The following MTUS2 variants were observed in gnomAD, a reference collection of about 807,000 sequenced individuals.
MTUS2 encodes microtubule-associated tumor suppressor candidate 2.
Under a neutral mutation model 114.1 loss-of-function variants are expected in MTUS2, and 40 were observed. That is an observed-to-expected ratio of 0.35 (90% CI 0.27 to 0.46). MTUS2 has a LOEUF of 0.46. Among genes scored for constraint, MTUS2 ranks in the 20% least tolerant of loss-of-function variants. The probability of loss-of-function intolerance (pLI) is 1.00; values close to 1 mark genes in which losing one functional copy is unlikely to be tolerated. For missense variants in MTUS2, 1,679 were observed against 1,705.4 expected, an observed-to-expected ratio of 0.98 and a Z score of 0.27; for synonymous variants, 688 against 672.0, an observed-to-expected ratio of 1.02 and a Z score of -0.37.
At chr13:29,307,626 C>T in intron 6 of MTUS2, 4 of 1,169,390 alleles carry the variant, frequency 3.4e-6, no homozygotes, top group Non-Finnish European at 3.8e-6. Flanking sequence ...AGCTTGTCTC[C>T]TCTGACTTCA....
At chr13:28,992,370 C>T (rs1413829001) in intron 2 of MTUS2, among the ~76,000 whole-genome samples, 1 of 152,160 alleles carries the variant, frequency 6.6e-6, no homozygotes, top group African/African-American at 2.4e-5. Context: ...AGCCAAAAGA[C>T]AGCAGATAAG....
At chr13:29,351,518 G>A (rs190832919) in intron 7 of MTUS2, among the ~76,000 whole-genome samples, 255 of 152,156 alleles carry the variant, frequency 1.7e-3, no homozygotes, top group African/African-American at 5.8e-3. Flanking sequence ...CCCGGTTCCC[G>A]TGCTTACAAA....
intron 4 of MTUS2, among the ~76,000 whole-genome samples, chr13:29,066,088 T>G (rs1464468992): frequency 1.3e-5 from 2 of 152,196 alleles, no homozygotes; most frequent in African/African-American, 4.8e-5. Flanking sequence ...TTGCCACGTC[T>G]TCTAGAATGT....
At chr13:29,181,397 G>A (rs920162607) in intron 5 of MTUS2, among the ~76,000 whole-genome samples, 1 of 152,162 alleles carries the variant, frequency 6.6e-6, no homozygotes, top group Non-Finnish European at 1.5e-5. Flanking sequence ...AGGTTTCTGG[G>A]GACCCCAAGC....
intron 15 of MTUS2, among the ~76,000 whole-genome samples, chr13:29,502,096 A>G (rs1014031152): frequency 1.3e-5 from 2 of 152,220 alleles, no homozygotes; most frequent in African/African-American, 4.8e-5. Flanking sequence ...TAGTGCAGGC[A>G]TTTTGTTCTC....
intron 6 of MTUS2, among the ~76,000 whole-genome samples, chr13:29,300,597 A>C (rs1899157971): frequency 6.6e-6 from 1 of 151,500 alleles, no homozygotes; most frequent in Non-Finnish European, 1.5e-5. Flanking sequence ...CTGTTTTAAA[A>C]CTTTCCATTT....
chr13:29,498,344 G>T (rs962761166), intron 13 of MTUS2, 74 bp from the exon 14 acceptor site: 5 of 1,591,198 alleles, frequency 3.1e-6, no homozygotes, highest in Non-Finnish European at 3.4e-6. Flanking sequence ...GATTTAGCTG[G>T]ATTCGTGACA....
intron 2 of MTUS2, among the ~76,000 whole-genome samples, chr13:28,853,195 C>A (rs187984687): frequency 6.8e-4 from 104 of 152,174 alleles, no homozygotes; most frequent in Admixed American, 2.0e-3. Context: ...GTGTGGTAGG[C>A]GGGGAGTTTA....
At chr13:29,421,086 G>T (rs1029882632) in intron 8 of MTUS2, among the ~76,000 whole-genome samples, 3 of 152,018 alleles carry the variant, frequency 2.0e-5, no homozygotes, top group African/African-American at 7.3e-5. Flanking sequence ...CTAAATCCTG[G>T]TTATTATATC....
At position 29,364,545 on chromosome 13, in the gene MTUS2, G is replaced by A. The variant is rs144087302; in HGVS notation, c.3117+5072G>A. 5.4e-3 allele frequency among the ~76,000 whole-genome samples: 816 copies of A among 152,298 alleles called. 5 individuals are homozygous for A. The highest frequency in any genetic ancestry group is 0.019 in the African/African-American group (776 of 41,560). On this transcript the variant is annotated intron_variant, in intron 8 of 15. Coordinates refer to ENST00000612955, the MANE Select transcript of MTUS2 (RefSeq NM_001033602.4). The stretch of plus-strand genomic sequence containing the variant: ...TCCATAACACCTGGTTGATTCATGG[G>A]TCAGGACAGGGTGTCTGTTAAAGGG...
At chr13:28,947,595 C>T (rs1882599677) in intron 2 of MTUS2, among the ~76,000 whole-genome samples, 1 of 152,096 alleles carries the variant, frequency 6.6e-6, no homozygotes, top group Non-Finnish European at 1.5e-5. Context: ...TAAGCGAGCT[C>T]CTCTTTTAGA....
intron 8 of MTUS2, among the ~76,000 whole-genome samples, chr13:29,372,776 C>T (rs1242741455): frequency 6.6e-6 from 1 of 152,032 alleles, no homozygotes; most frequent in Non-Finnish European, 1.5e-5. Context: ...TCAGAATGAC[C>T]ATTACTTATA....
At chr13:28,883,470 A>G (rs1878413646) in intron 2 of MTUS2, among the ~76,000 whole-genome samples, 1 of 152,228 alleles carries the variant, frequency 6.6e-6, no homozygotes, top group Non-Finnish European at 1.5e-5. Context: ...AACAATGAGA[A>G]GGAATGAGCT....
chr13:29,117,541 T>C (rs368732383), intron 5 of MTUS2, among the ~76,000 whole-genome samples: 29 of 152,296 alleles, frequency 1.9e-4, no homozygotes, highest in African/African-American at 6.7e-4. Context: ...CTCCATCCCA[T>C]TCCTGTGCAT....
intron 8 of MTUS2, among the ~76,000 whole-genome samples, chr13:29,384,439 A>C (rs1271703193): frequency 6.6e-6 from 1 of 152,234 alleles, no homozygotes; most frequent in Non-Finnish European, 1.5e-5. Flanking sequence ...TGGTGCACGC[A>C]TTCATGATCT....
chr13:28,895,135 G>A (rs1430145620), intron 2 of MTUS2, among the ~76,000 whole-genome samples: 1 of 152,132 alleles, frequency 6.6e-6, no homozygotes, highest in Non-Finnish European at 1.5e-5. Context: ...AAAGGGGAAG[G>A]GGAAGCTCGT....
chr13:29,090,302 G>T (rs1889880727), intron 4 of MTUS2, among the ~76,000 whole-genome samples: 1 of 152,146 alleles, frequency 6.6e-6, no homozygotes, highest in African/African-American at 2.4e-5. Flanking sequence ...CTCCTGTGCT[G>T]GAAGAGCCGA....
chr13:29,067,656 G>A (rs1001266154), intron 4 of MTUS2, among the ~76,000 whole-genome samples: 4 of 152,206 alleles, frequency 2.6e-5, no homozygotes, highest in African/African-American at 9.7e-5. Context: ...GGTGCTGACT[G>A]GAGGGGGAAG....
At chr13:29,064,924 A>G (rs1343074997) in intron 4 of MTUS2, among the ~76,000 whole-genome samples, 2 of 152,212 alleles carry the variant, frequency 1.3e-5, no homozygotes, top group East Asian at 3.8e-4. Context: ...AGTGACCTCT[A>G]GCTCCATCCA....
Sources: allele counts gnomAD v4.1 joint callset (sites outside exome capture counted in the v4.1 genomes callset), GRCh38; gene constraint gnomAD v4.1.1; transcripts MANE v1.5; gene names NCBI Gene and HGNC (gene_info 2026-07-23, HGNC 2026-07-21).